Variants in GLRX3 observed in about 807,000 individuals in gnomAD.
The protein encoded by GLRX3 is glutaredoxin 3, also known as glutaredoxin-3.
A neutral mutation model predicts 49.5 loss-of-function variants in GLRX3; 22 were observed. That is an observed-to-expected ratio of 0.44 (90% CI 0.32 to 0.63). The LOEUF (loss-of-function observed/expected upper bound fraction) is 0.63. Ranked by LOEUF, GLRX3 falls within the 30% of genes least tolerant of loss-of-function variation. GLRX3 has a pLI of 0.05. For missense variants in GLRX3, 385 were observed against 396.3 expected (o/e 0.97, Z 0.24); for synonymous variants, 133 against 140.0 (o/e 0.95, Z 0.35).
intron 8 of GLRX3, among the ~76,000 whole-genome samples, chr10:130,172,449 A>G (rs1190330678): frequency 6.6e-6 from 1 of 152,180 alleles, no homozygotes; most frequent in South Asian, 2.1e-4. Flanking sequence ...AAAAGCACTT[A>G]TTTGGAGATA....
chr10:130,149,934 TAAAAAA>T (rs59275416), intron 2 of GLRX3, among the ~76,000 whole-genome samples: 1 of 132,160 alleles, frequency 7.6e-6, no homozygotes. Flanking sequence ...TTTTCATTAG[TAAAAAA>T]AAAAAAAAAA....
At chr10:130,144,139 T>G (rs1484629704) in intron 1 of GLRX3, among the ~76,000 whole-genome samples, 1 of 152,214 alleles carries the variant, frequency 6.6e-6, no homozygotes, top group Non-Finnish European at 1.5e-5. Context: ...CGGTTATGTC[T>G]CTCCATCACT....
At chr10:130,154,977 CT>C (rs545919115) in intron 2 of GLRX3, among the ~76,000 whole-genome samples, 3 of 149,004 alleles carry the variant, frequency 2.0e-5, no homozygotes, top group Non-Finnish European at 3.0e-5. Context: ...AGAGATCTTT[CT>C]TTTTTTTTTA....
chr10:130,171,177 A>G (rs1862800779), intron 7 of GLRX3, among the ~76,000 whole-genome samples: 1 of 152,132 alleles, frequency 6.6e-6, no homozygotes, highest in Non-Finnish European at 1.5e-5. Context: ...GGGAGTCAGA[A>G]TCCAGTTGGA....
intron 3 of GLRX3, 52 bp downstream of exon 3, chr10:130,160,121 C>A: frequency 9.2e-7 from 1 of 1,081,172 alleles, no homozygotes; most frequent in African/African-American, 1.5e-5. Flanking sequence ...TGCCATGGGG[C>A]TACCTATTTT....
intron 3 of GLRX3, 117 bp from the exon 4 acceptor site, chr10:130,160,679 A>G (rs777633621): frequency 4.3e-5 from 28 of 651,888 alleles, no homozygotes; most frequent in Non-Finnish European, 7.3e-5. Context: ...GCAATTGGCA[A>G]TGAGGGTTTC....
At chr10:130,176,371 T>G (rs552684569) in intron 10 of GLRX3, among the ~76,000 whole-genome samples, 1 of 152,260 alleles carries the variant, frequency 6.6e-6, no homozygotes, top group South Asian at 2.1e-4. Context: ...CCGCCCACCT[T>G]GGCCTCCCAA....
chr10:130,179,712 C>T (rs76578849), downstream of GLRX3: 122 of 271,710 alleles, frequency 4.5e-4, 1 homozygote, highest in East Asian at 0.014. Context: ...TATCTTCTAG[C>T]AGTTAAGAAA....
At chr10:130,152,271 A>C (rs187853272) in intron 2 of GLRX3, among the ~76,000 whole-genome samples, 5 of 152,234 alleles carry the variant, frequency 3.3e-5, no homozygotes, top group Admixed American at 2.6e-4. Context: ...CACCTGCCTC[A>C]ACCTCCCGAA....
At chr10:130,172,374 T>G (rs1341559312) in intron 8 of GLRX3, among the ~76,000 whole-genome samples, 1 of 152,218 alleles carries the variant, frequency 6.6e-6, no homozygotes, top group East Asian at 1.9e-4. Context: ...TGCTCCTAGT[T>G]TTGATGTGCT....
intron 10 of GLRX3, among the ~76,000 whole-genome samples, chr10:130,176,197 G>A (rs111905354): frequency 0.088 from 13,097 of 149,524 alleles, 914 homozygotes; most frequent in African/African-American, 0.19. Flanking sequence ...TCGGCTCACT[G>A]CAGCCTCTGC....
Position 130,176,881 on chromosome 10 carries a change from T to C in GLRX3, c.957+1792T>C, listed in dbSNP as rs78747517. 3.4e-4 allele frequency among the ~76,000 whole-genome samples: 51 copies of C among 152,202 alleles called. 2 individuals carry two copies. In the East Asian group the frequency reaches 9.7e-3, roughly 29 times the overall value. ...TGAGCCTGTTCTTGTCTGAATGTTT[T>C]ATAGCCTGTACCTTAGCCATTGGTA... On this transcript the variant is annotated intron_variant, in intron 10 of 10. Coordinates refer to ENST00000331244, the MANE Select transcript of GLRX3 (RefSeq NM_006541.5).
At chr10:130,169,584 A>G (rs1431221357) in intron 7 of GLRX3, 94 bp downstream of exon 7, 1 of 820,538 alleles carries the variant, frequency 1.2e-6, no homozygotes, top group Non-Finnish European at 2.1e-6. Flanking sequence ...GCTTTAGCTA[A>G]TGAAGCTGTA....
intron 7 of GLRX3, 85 bp downstream of exon 7, chr10:130,169,575 C>A: frequency 1.1e-6 from 1 of 883,632 alleles, no homozygotes; most frequent in African/African-American, 1.6e-5. Flanking sequence ...TTTTTCCTAG[C>A]TTTAGCTAAT....
chr10:130,137,914 T>C (rs1008988180), intron 1 of GLRX3, among the ~76,000 whole-genome samples: 7 of 152,044 alleles, frequency 4.6e-5, no homozygotes, highest in Non-Finnish European at 8.8e-5. Flanking sequence ...TTTATTTTTT[T>C]TTATAGAGAC....
In GLRX3 at chr10:130,171,578, A is replaced by G. The variant is rs1297496765; in HGVS notation, c.772-6A>G. On this transcript the variant is annotated splice_polypyrimidine_tract_variant and splice_region_variant and intron_variant, in intron 7 of 10. Transcript: ENST00000331244. Reference sequence around the variant, plus strand: ...TTGTAATCTTTGCAAATTTTTTTTCATTTAGGAAGCAAAATGTGGATTCAG... The same window carrying G: ...TTGTAATCTTTGCAAATTTTTTTTCGTTTAGGAAGCAAAATGTGGATTCAG... 6.7e-6 allele frequency: 10 copies of G among 1,498,804 alleles called. No individual in the cohort carries two copies. Among genetic ancestry groups the G allele is most frequent in the Non-Finnish European group, 9.3e-6 (10 of 1,074,826 alleles). 92.8% of individuals were successfully genotyped at this position (1,498,804 alleles called of 1,614,324 possible). A position where few individuals can be genotyped will look rare whatever the true frequency, so the allele number is the denominator to read the frequency against.
At chr10:130,159,206 G>A (rs974565580) in intron 2 of GLRX3, among the ~76,000 whole-genome samples, 10 of 152,136 alleles carry the variant, frequency 6.6e-5, no homozygotes, top group African/African-American at 2.4e-4. Flanking sequence ...TATGAGGGAA[G>A]GATATAGCTT....
intron 4 of GLRX3, among the ~76,000 whole-genome samples, chr10:130,166,068 C>T (rs948961261): frequency 6.6e-6 from 1 of 152,182 alleles, no homozygotes; most frequent in African/African-American, 2.4e-5. Flanking sequence ...TCTCATAGGT[C>T]GCTCCAGCCT....
At chr10:130,165,365 T>G (rs1862660144) in intron 4 of GLRX3, among the ~76,000 whole-genome samples, 1 of 152,156 alleles carries the variant, frequency 6.6e-6, no homozygotes, top group Admixed American at 6.5e-5. Context: ...AAGACTGATA[T>G]TCACACTCTT....
Sources: gnomAD v4.1 joint callset for allele counts (sites outside exome capture counted in the v4.1 genomes callset) on GRCh38, gnomAD v4.1.1 for gene constraint, MANE v1.5 for transcripts, NCBI Gene and HGNC (gene_info 2026-07-23, HGNC 2026-07-21) for gene names.